The following KIAA0825 variants were observed in gnomAD, a reference collection of about 807,000 sequenced individuals.
KIAA0825 encodes the protein KIAA0825.
KIAA0825 carries 119 observed loss-of-function variants against 147.6 expected under a neutral mutation model. That is an observed-to-expected ratio of 0.81 (90% CI 0.69 to 0.94). The LOEUF is 0.94. Among genes scored for constraint, KIAA0825 ranks in the 40% least tolerant of loss-of-function variants. The pLI, the probability that KIAA0825 is intolerant of heterozygous loss-of-function variation, is 0.00. For synonymous variants in KIAA0825, 470 were observed against 518.1 expected (o/e 0.91, Z 1.26); for missense variants, 1,381 against 1,472.7 (o/e 0.94, Z 1.02).
At chr5:94,412,201 T>C (rs1352006349) in intron 15 of KIAA0825, among the ~76,000 whole-genome samples, 2 of 152,166 alleles carry the variant, frequency 1.3e-5, no homozygotes, top group Non-Finnish European at 2.9e-5. Flanking sequence ...ACTAAGAACA[T>C]GAAGAGGTGT....
intron 3 of KIAA0825, among the ~76,000 whole-genome samples, chr5:94,530,416 C>G (rs1770553772): frequency 6.6e-6 from 1 of 151,970 alleles, no homozygotes; most frequent in Admixed American, 6.6e-5. Context: ...TCCCAAGTAG[C>G]TAGGACTACA....
intron 20 of KIAA0825, among the ~76,000 whole-genome samples, chr5:94,157,912 G>T (rs1190917278): frequency 6.6e-6 from 1 of 152,150 alleles, no homozygotes; most frequent in Non-Finnish European, 1.5e-5. Flanking sequence ...AGCAAATCTT[G>T]GGTGGCCTGT....
chr5:94,164,051 A>G (rs1395291901), intron 20 of KIAA0825, among the ~76,000 whole-genome samples: 1 of 152,178 alleles, frequency 6.6e-6, no homozygotes, highest in Non-Finnish European at 1.5e-5. Flanking sequence ...GTCACATTTT[A>G]GAACAGAGTT....
intron 1 of KIAA0825, among the ~76,000 whole-genome samples, chr5:94,604,480 A>G (rs556569581): frequency 6.6e-6 from 1 of 152,202 alleles, no homozygotes; most frequent in East Asian, 1.9e-4. Context: ...AATCACTTGA[A>G]CCCAGGAAGC....
chr5:94,492,624 G>C (rs938759857), intron 5 of KIAA0825, among the ~76,000 whole-genome samples: 1 of 152,090 alleles, frequency 6.6e-6, no homozygotes, highest in East Asian at 1.9e-4. Context: ...CTTCAAAATG[G>C]TACATTTGGG....
In KIAA0825 at chr5:94,340,897, GA is replaced by G. The variant is rs1782299543; in HGVS notation, c.3710+43470del. ...AAAATGCATAACGCAGTGCTGGGAA[GA>G]GGCCTGAGATGTATTAATTCAGTAG... On this transcript the variant is annotated intron_variant, in intron 20 of 20. Transcript: ENST00000682413. Among the ~76,000 whole-genome samples, 6 of 152,302 alleles carry G rather than the reference GA, an allele frequency of 3.9e-5. No individual in the cohort carries two copies. In the South Asian group the frequency reaches 1.2e-3, roughly 32 times the overall value.
intron 17 of KIAA0825, among the ~76,000 whole-genome samples, chr5:94,392,150 A>T (rs1376625380): frequency 6.6e-6 from 1 of 152,186 alleles, no homozygotes; most frequent in African/African-American, 2.4e-5. Flanking sequence ...CACATTGAAG[A>T]CTAATTGAAG....
At chr5:94,175,048 G>A (rs1460375605) in intron 20 of KIAA0825, among the ~76,000 whole-genome samples, 1 of 152,100 alleles carries the variant, frequency 6.6e-6, no homozygotes, top group Non-Finnish European at 1.5e-5. Context: ...CCTTCTTTAT[G>A]AGGCATCTTC....
rs377546904 is a variant in KIAA0825 at position 94,396,211 on chromosome 5, C to G, written c.3186G>C (p.Gln1062His). Residue 1062 changes from glutamine (Q) to histidine (H), a missense_variant, in exon 17 of 21, where the codon CAG (glutamine) becomes CAC (histidine). Gln to His is a conservative substitution (Grantham distance 24). Coordinates refer to ENST00000682413, the MANE Select transcript of KIAA0825 (RefSeq NM_001145678.3). The stretch of plus-strand genomic sequence containing the variant: ...GGATCATTTGATTATGGATACTTGT[C>G]TGGTCTCCCATGATGCTTTTCAAAC... ...CMCLKSIMGD[Q>H]TSIHNQMIQK... 6.4e-7 allele frequency: 1 copy of G among 1,551,676 alleles called. No homozygotes were observed. The highest frequency in any genetic ancestry group is 1.4e-5 in the African/African-American group (1 of 73,164).
Position 94,552,933 on chromosome 5 carries a change from A to G in KIAA0825, c.-1-15806T>C, listed in dbSNP as rs578145158. Among the ~76,000 whole-genome samples, 7 of 152,344 alleles carry G rather than the reference A, an allele frequency of 4.6e-5. No homozygotes were observed. The East Asian group carries it at 1.3e-3, about 29-fold the overall frequency. On this transcript the variant is annotated intron_variant, in intron 2 of 20. Coordinates refer to ENST00000682413, the MANE Select transcript of KIAA0825 (RefSeq NM_001145678.3). ...AAAATTACAGCTAGATAGGAGGAATAAGTTTGAATCTTCTATGGCACTGTA... is the reference window on the plus strand; with the variant it reads ...AAAATTACAGCTAGATAGGAGGAATGAGTTTGAATCTTCTATGGCACTGTA...
intron 2 of KIAA0825, among the ~76,000 whole-genome samples, chr5:94,542,309 T>C (rs1773489344): frequency 6.6e-6 from 1 of 152,230 alleles, no homozygotes. Flanking sequence ...CTTAAAATGT[T>C]GCTGATCTTT....
chr5:94,262,336 A>G (rs1030065611), intron 20 of KIAA0825, among the ~76,000 whole-genome samples: 1 of 152,242 alleles, frequency 6.6e-6, no homozygotes, highest in South Asian at 2.1e-4. Flanking sequence ...ATAAATTAGC[A>G]TAGCCTCTTT....
chr5:94,211,974 A>G (rs1772751323), intron 20 of KIAA0825, among the ~76,000 whole-genome samples: 1 of 152,210 alleles, frequency 6.6e-6, no homozygotes, highest in Non-Finnish European at 1.5e-5. Context: ...ATTATCTGAT[A>G]TATATGAATA....
chr5:94,401,250 T>A (rs1472365362), intron 16 of KIAA0825, among the ~76,000 whole-genome samples: 1 of 151,932 alleles, frequency 6.6e-6, no homozygotes, highest in East Asian at 1.9e-4. Flanking sequence ...ATTCTTTTTT[T>A]TTTTTGCCAA....
At chr5:94,172,623 C>T (rs548352096) in intron 20 of KIAA0825, among the ~76,000 whole-genome samples, 1 of 152,032 alleles carries the variant, frequency 6.6e-6, no homozygotes, top group African/African-American at 2.4e-5. Context: ...GAGCAAGCTT[C>T]TTTAAGTTAG....
intron 2 of KIAA0825, among the ~76,000 whole-genome samples, chr5:94,559,821 G>C (rs1777237311): frequency 6.6e-6 from 1 of 152,166 alleles, no homozygotes; most frequent in African/African-American, 2.4e-5. Flanking sequence ...TTAAACTCAT[G>C]ATGGGGATCA....
At chr5:94,346,332 G>A (rs937399448) in intron 20 of KIAA0825, among the ~76,000 whole-genome samples, 1 of 152,210 alleles carries the variant, frequency 6.6e-6, no homozygotes, top group Non-Finnish European at 1.5e-5. Flanking sequence ...TTGTTGTGGG[G>A]TATAAAATTA....
intron 2 of KIAA0825, among the ~76,000 whole-genome samples, chr5:94,553,583 G>T (rs1469686671): frequency 6.6e-6 from 1 of 151,416 alleles, no homozygotes; most frequent in Non-Finnish European, 1.5e-5. Context: ...TGGTCAACAT[G>T]GTGAAACCCC....
chr5:94,353,643 C>A, intron 20 of KIAA0825, among the ~76,000 whole-genome samples: 1 of 152,034 alleles, frequency 6.6e-6, no homozygotes, highest in East Asian at 1.9e-4. Flanking sequence ...ATGACAATAT[C>A]TTCTTATATA....
Sources: allele counts gnomAD v4.1 joint callset (sites outside exome capture counted in the v4.1 genomes callset), GRCh38; gene constraint gnomAD v4.1.1; transcripts MANE v1.5; gene names NCBI Gene and HGNC (gene_info 2026-07-23, HGNC 2026-07-21).